TMC5: variants seen among roughly 807,000 people sequenced by gnomAD.
The protein encoded by TMC5 is transmembrane channel like 5.
Under a neutral mutation model 110.5 loss-of-function variants are expected in TMC5, and 86 were observed. The ratio of observed to expected loss-of-function variants is 0.78; its 90% CI spans 0.65 to 0.93. The LOEUF (loss-of-function observed/expected upper bound fraction) is 0.93, where lower values mean the gene tolerates loss of function less well. Ranked by LOEUF, TMC5 falls within the 40% of genes least tolerant of loss-of-function variation. The pLI is 0.00. For synonymous variants in TMC5, 455 were observed against 439.5 expected, an observed-to-expected ratio of 1.04 and a Z score of -0.44; for missense variants, 1,144 against 1,222.8, an observed-to-expected ratio of 0.94 and a Z score of 0.96.
intron 6 of TMC5, among the ~76,000 whole-genome samples, chr16:19,461,747 G>C (rs79213302): frequency 0.048 from 7,336 of 151,984 alleles, 253 homozygotes; most frequent in East Asian, 0.15. Flanking sequence ...TTGGCAGAAA[G>C]TAGTAGAGTG....
In TMC5 at chr16:19,469,887, C is replaced by G. The variant is rs1968286106; in HGVS notation, c.1782+62C>G. 3 of 1,548,282 alleles carry G rather than the reference C, an allele frequency of 1.9e-6. No homozygotes were observed. The Admixed American group carries it at 5.9e-5, about 30-fold the overall frequency. Reference sequence around the variant, plus strand: ...GGTCTCCTTCCCTTCTCCAGTATACCTGTAACTTTTCTTTTTTTTTTTTTT... The same window carrying G: ...GGTCTCCTTCCCTTCTCCAGTATACGTGTAACTTTTCTTTTTTTTTTTTTT... On this transcript the variant is annotated intron_variant, in intron 10 of 21. Coordinates refer to ENST00000542583, the MANE Select transcript of TMC5 (RefSeq NM_001261841.2).
At chr16:19,492,915 G>GATAGATACATATAT (rs58561457) in intron 19 of TMC5, among the ~76,000 whole-genome samples, 1 of 42,752 alleles carries the variant, frequency 2.3e-5, no homozygotes, top group African/African-American at 5.4e-5. Context: ...TTAAAACTTA[G>GATAGATACATATAT]ATATATATAT....
chr16:19,495,364 T>C (rs1969026835), intron 20 of TMC5, among the ~76,000 whole-genome samples: 1 of 152,164 alleles, frequency 6.6e-6, no homozygotes, highest in Non-Finnish European at 1.5e-5. Flanking sequence ...TCTGCAAACA[T>C]ACCTGTATCT....
At chr16:19,443,508 T>C (rs1967536564) in intron 3 of TMC5, among the ~76,000 whole-genome samples, 1 of 152,200 alleles carries the variant, frequency 6.6e-6, no homozygotes, top group African/African-American at 2.4e-5. Context: ...CAGTTTCTAC[T>C]TGTAGTATAA....
intron 8 of TMC5, among the ~76,000 whole-genome samples, chr16:19,465,872 C>A (rs1470683732): frequency 6.6e-6 from 1 of 152,150 alleles, no homozygotes; most frequent in Non-Finnish European, 1.5e-5. Context: ...CTCAATGTCT[C>A]CATTGTAAAG....
chr16:19,436,322 A>G (rs961421972), intron 2 of TMC5, among the ~76,000 whole-genome samples: 4 of 150,836 alleles, frequency 2.7e-5, no homozygotes, highest in Non-Finnish European at 5.9e-5. Context: ...TTCCGTGAAC[A>G]TTTTTCTTAT....
chr16:19,448,692 TAA>T (rs1967674869), intron 4 of TMC5, among the ~76,000 whole-genome samples: 1 of 38,432 alleles, frequency 2.6e-5, no homozygotes, highest in Non-Finnish European at 4.5e-5. Flanking sequence ...TATTTATAGA[TAA>T]TATATATATT....
In TMC5 at chr16:19,494,901, A is replaced by G. The variant is rs115406367; in HGVS notation, c.2931+535A>G. 4.6e-3 allele frequency among the ~76,000 whole-genome samples: 693 copies of G among 152,190 alleles called. 3 individuals are homozygous for G. The highest frequency in any genetic ancestry group is 0.016 in the African/African-American group (662 of 41,506). On this transcript the variant is annotated intron_variant, in intron 20 of 21. Coordinates refer to ENST00000542583, the MANE Select transcript of TMC5 (RefSeq NM_001261841.2). ...TGAACAAAACAAAGCCCCCGCCCTC[A>G]TGGAACTTGCACGCTTGTTTTTCAC...
At chr16:19,465,054 TCTTTTCCTTCCTTCC>T (rs1453767151) in intron 8 of TMC5, among the ~76,000 whole-genome samples, 3 of 100,460 alleles carry the variant, frequency 3.0e-5, no homozygotes, top group African/African-American at 1.7e-4. Context: ...TTTCTTTCTT[TCTTTTCCTTCCTTCC>T]TTCCTTCCTT....
chr16:19,423,848 T>C (rs747916868), intron 1 of TMC5, among the ~76,000 whole-genome samples: 2 of 152,106 alleles, frequency 1.3e-5, no homozygotes, highest in African/African-American at 2.4e-5. Flanking sequence ...ACCTCCCAGG[T>C]TGAAGCGATT....
chr16:19,470,149 C>T (rs2143632078), intron 10 of TMC5, among the ~76,000 whole-genome samples: 1 of 151,354 alleles, frequency 6.6e-6, no homozygotes, highest in South Asian at 2.1e-4. Flanking sequence ...CCACCTCAGC[C>T]TCCCAAAGTG....
chr16:19,466,103 A>T lies in TMC5; in HGVS notation c.1507A>T (p.Met503Leu), dbSNP rs1336675084. 3 of 1,614,038 alleles carry T rather than the reference A, an allele frequency of 1.9e-6. No individual in the cohort carries two copies. The highest frequency in any genetic ancestry group is 2.5e-6 in the Non-Finnish European group (3 of 1,179,976). ...TGVGYFRDTV[M>L]YYGFYTNSTI... ...TCAGGGTTATTTTAGGGACACAGTG[A>T]TGTACTATGGCTTTTACACCAATTC... is the stretch of plus-strand genomic sequence containing the variant. The change falls in exon 9 of 22, where the codon ATG (methionine) becomes TTG (leucine). Residue 503 changes from methionine to leucine, a missense_variant. Transcript: ENST00000542583.
chr16:19,413,523 C>CAAAAAAAAAAAA (rs869158130), upstream of TMC5, among the ~76,000 whole-genome samples: 5 of 52,984 alleles, frequency 9.4e-5, no homozygotes, highest in African/African-American at 2.4e-4. Context: ...AACCCTGCCT[C>CAAAAAAAAAAAA]AAAAAAAAAA....
chr16:19,472,041 G>A (rs780159496), intron 10 of TMC5, 47 bp from the exon 11 acceptor site: 16 of 1,599,350 alleles, frequency 1.0e-5, no homozygotes, highest in African/African-American at 2.7e-5. Flanking sequence ...GATTACAGGC[G>A]TGAGCCACCA....
Position 19,498,150 on chromosome 16 carries a change from A to G in TMC5, c.*184A>G. 1.7e-6 allele frequency: 1 copy of G among 599,116 alleles called. No individual in the cohort carries two copies. The highest frequency in any genetic ancestry group is 3.2e-5 in the Admixed American group (1 of 31,614). 37.1% of individuals were successfully genotyped at this position (599,116 alleles called of 1,614,324 possible). On this transcript the variant is annotated 3_prime_UTR_variant, in exon 22 of 22. Transcript: ENST00000542583. ...TTGGGCATTCCATGCTATTTTTAAT[A>G]CCTGGATTGCTGATTTTTCAAGACA... is the stretch of plus-strand genomic sequence containing the variant.
Position 19,464,005 on chromosome 16 carries a change from T to C in TMC5, c.1466T>C (p.Leu489Pro). The change falls in exon 8 of 22, where the codon CTG (leucine) becomes CCG (proline). Residue 489 changes from leucine (L) to proline (P), a missense_variant. By Grantham distance (98) the Leu-to-Pro change is moderately conservative (BLOSUM62 -3). Transcript: ENST00000542583. ...AAGAACACCCTCCAGTTCACTGGGC[T>C]GGAGTTTTTCACTGGGGTGGTAAGT... is the stretch of plus-strand genomic sequence containing the variant. ...AKKNTLQFTG[L>P]EFFTGVGYFR... The C allele has an allele frequency of 1.2e-6, 2 of 1,614,150 alleles. No homozygotes were observed. Among genetic ancestry groups the C allele is most frequent in the South Asian group, 2.2e-5 (2 of 91,074 alleles).
chr16:19,480,992 A>G (rs1597210652), intron 14 of TMC5, among the ~76,000 whole-genome samples: 1 of 152,124 alleles, frequency 6.6e-6, no homozygotes, highest in Non-Finnish European at 1.5e-5. Flanking sequence ...CCAAAAATTT[A>G]AAAATGTTTA....
At chr16:19,463,452 A>G (rs979660412) in intron 7 of TMC5, 85 bp downstream of exon 7, 34 of 1,169,998 alleles carry the variant, frequency 2.9e-5, no homozygotes, top group Non-Finnish European at 4.2e-5. Flanking sequence ...GGGGAAGATG[A>G]ACCAAAAATC....
intron 9 of TMC5, among the ~76,000 whole-genome samples, chr16:19,467,053 G>A (rs1238016196): frequency 6.6e-6 from 1 of 152,002 alleles, no homozygotes; most frequent in Non-Finnish European, 1.5e-5. Context: ...GGCTGAGGTG[G>A]GAGAATCACC....
Sources: allele counts gnomAD v4.1 joint callset (sites outside exome capture counted in the v4.1 genomes callset), GRCh38; gene constraint gnomAD v4.1.1; transcripts MANE v1.5; gene names NCBI Gene and HGNC (gene_info 2026-07-23, HGNC 2026-07-21).